TRIM14: variants seen among roughly 807,000 people sequenced by gnomAD.
The protein encoded by TRIM14 is tripartite motif containing 14.
In TRIM14, 28 loss-of-function variants were observed where a neutral mutation model predicts 44.5. That is an observed-to-expected ratio of 0.63 (90% CI 0.47 to 0.86). TRIM14 has a LOEUF of 0.86. Among genes scored for constraint, TRIM14 ranks in the 40% least tolerant of loss-of-function variants. The pLI, the probability that TRIM14 is intolerant of heterozygous loss-of-function variation, is 0.00. For missense variants in TRIM14, 607 were observed against 611.1 expected (o/e 0.99, Z 0.07); for synonymous variants, 299 against 269.2 (o/e 1.11, Z -1.08).
chr9:98,056,854 C>T, the TRIM14 span: 3 of 1,612,074 alleles, frequency 1.9e-6, no homozygotes, highest in South Asian at 2.2e-5. Flanking sequence ...GGTGGGCGGG[C>T]AACACCCGTG....
At chr9:98,111,007 A>G (rs896854411) in intron 1 of TRIM14, among the ~76,000 whole-genome samples, 23 of 151,324 alleles carry the variant, frequency 1.5e-4, no homozygotes, top group African/African-American at 3.6e-4. Flanking sequence ...TCATGCCACT[A>G]TGCCACTGCA....
At chr9:98,064,613 A>T (rs560317961), downstream of TRIM14, among the ~76,000 whole-genome samples, 9 of 152,156 alleles carry the variant, frequency 5.9e-5, no homozygotes, top group South Asian at 2.1e-4. Context: ...ACATACAGTA[A>T]TATATTTTAT....
At chr9:98,108,219 G>A (rs1359105) in intron 2 of TRIM14, among the ~76,000 whole-genome samples, 1 of 151,686 alleles carries the variant, frequency 6.6e-6, no homozygotes, top group Non-Finnish European at 1.5e-5. Context: ...GTTAGTTGGG[G>A]AAAGGGTCAA....
chr9:98,093,581 A>G (rs1055214110), intron 4 of TRIM14, among the ~76,000 whole-genome samples: 2 of 152,046 alleles, frequency 1.3e-5, no homozygotes, highest in African/African-American at 4.8e-5. Flanking sequence ...GCCTATGACC[A>G]CTGTGCTCTC....
intron 1 of TRIM14, among the ~76,000 whole-genome samples, chr9:98,117,904 G>A (rs968042840): frequency 2.6e-5 from 4 of 152,080 alleles, no homozygotes; most frequent in African/African-American, 9.7e-5. Flanking sequence ...GTTTTTCAAG[G>A]AGCCATTATT....
chr9:98,102,094 C>T (rs1019900088), intron 2 of TRIM14, among the ~76,000 whole-genome samples: 7 of 151,340 alleles, frequency 4.6e-5, no homozygotes, highest in South Asian at 4.2e-4. Context: ...GGGGAGCGAA[C>T]GTTCTGAGAA....
chr9:98,097,602 T>C lies in TRIM14; in HGVS notation c.537+2329A>G, dbSNP rs191645194. Among the ~76,000 whole-genome samples, 11 of 152,342 alleles carry C rather than the reference T, an allele frequency of 7.2e-5. No individual in the cohort carries two copies. The East Asian group carries it at 2.1e-3, about 29-fold the overall frequency. ...GTTTAAGCTGTATTGTAAATAACTGTTTCTGAGCAAGTCCCCCACCCAACT... is the reference window on the plus strand; with the variant it reads ...GTTTAAGCTGTATTGTAAATAACTGCTTCTGAGCAAGTCCCCCACCCAACT... On this transcript the variant is annotated intron_variant, in intron 3 of 5. Coordinates refer to ENST00000341469, the MANE Select transcript of TRIM14 (RefSeq NM_014788.4).
chr9:98,065,089 G>T (rs1039894723), downstream of TRIM14, among the ~76,000 whole-genome samples: 1 of 152,170 alleles, frequency 6.6e-6, no homozygotes, highest in Non-Finnish European at 1.5e-5. Flanking sequence ...TGACATAGCA[G>T]CCTGCATTCA....
At chr9:98,045,442 C>T in the TRIM14 span, among the ~76,000 whole-genome samples, 5 of 152,182 alleles carry the variant, frequency 3.3e-5, no homozygotes, top group African/African-American at 1.2e-4. Context: ...GTGCCAATTA[C>T]TGAGTTTTTG....
At chr9:98,075,646 T>G (rs1437643842) in intron 6 of TRIM14, 1 of 152,204 alleles carries the variant, frequency 6.6e-6, no homozygotes, top group Non-Finnish European at 1.5e-5. Context: ...AACTTATTTC[T>G]GAGTCACCAT....
At chr9:98,061,694 C>T in the TRIM14 span, among the ~76,000 whole-genome samples, 4 of 150,506 alleles carry the variant, frequency 2.7e-5, no homozygotes, top group Admixed American at 6.6e-5. Flanking sequence ...GCAGGAGAAT[C>T]GCTTGAACCT....
intron 2 of TRIM14, among the ~76,000 whole-genome samples, chr9:98,104,851 A>C (rs550838343): frequency 6.6e-6 from 1 of 152,276 alleles, no homozygotes; most frequent in African/African-American, 2.4e-5. Flanking sequence ...AGATGAAAGG[A>C]GGGCGCTGTT....
chr9:98,055,827 TC>T, the TRIM14 span, among the ~76,000 whole-genome samples: 1 of 152,038 alleles, frequency 6.6e-6, no homozygotes, highest in Non-Finnish European at 1.5e-5. Flanking sequence ...AACCTCCACC[TC>T]CCGGGTTCAA....
At chr9:98,092,502 G>A (rs1481285669) in intron 4 of TRIM14, 20 of 424,508 alleles carry the variant, frequency 4.7e-5, no homozygotes, top group East Asian at 7.4e-5. Context: ...CAGCACCTCC[G>A]CAGAAGTGCC....
chr9:98,080,460 G>T (rs988997939), downstream of TRIM14, among the ~76,000 whole-genome samples: 1 of 152,204 alleles, frequency 6.6e-6, no homozygotes, highest in Non-Finnish European at 1.5e-5. Flanking sequence ...AGCAGCTCAG[G>T]CTAATTAAAT....
At chr9:98,103,807 C>T (rs1205253076) in intron 2 of TRIM14, among the ~76,000 whole-genome samples, 1 of 136,484 alleles carries the variant, frequency 7.3e-6, no homozygotes, top group Non-Finnish European at 1.5e-5. Flanking sequence ...TACTGCACTC[C>T]AGCCTGGCAA....
At chr9:98,056,896 C>T in the TRIM14 span, 1 of 1,610,948 alleles carries the variant, frequency 6.2e-7, no homozygotes, top group South Asian at 1.1e-5. Flanking sequence ...CCAGAACCAC[C>T]AGGGCGACCT....
the TRIM14 span, among the ~76,000 whole-genome samples, chr9:98,059,175 C>T: frequency 1.1e-4 from 17 of 152,008 alleles, no homozygotes; most frequent in African/African-American, 4.1e-4. Flanking sequence ...AGGTGCCCAC[C>T]ACCACACCTA....
At chr9:98,081,207 T>TCCC, downstream of TRIM14, 3 of 1,318,088 alleles carry the variant, frequency 2.3e-6, no homozygotes, top group Non-Finnish European at 3.1e-6. Flanking sequence ...GTGAATGTGC[T>TCCC]CCCACCCGTG....
Sources: allele counts gnomAD v4.1 joint callset (sites outside exome capture counted in the v4.1 genomes callset), GRCh38; gene constraint gnomAD v4.1.1; transcripts MANE v1.5; gene names NCBI Gene and HGNC (gene_info 2026-07-23, HGNC 2026-07-21).